The following DMRTC2 variants were observed in gnomAD, a reference collection of about 807,000 sequenced individuals.
DMRTC2 encodes the protein doublesex- and mab-3-related transcription factor C2.
A neutral mutation model predicts 39.9 loss-of-function variants in DMRTC2; 13 were observed. The observed-to-expected ratio is 0.33, with a 90% confidence interval of 0.21 to 0.52. The LOEUF (loss-of-function observed/expected upper bound fraction) is 0.52. Among genes scored for constraint, DMRTC2 ranks in the 20% least tolerant of loss-of-function variants. The pLI is 0.96. For synonymous variants in DMRTC2, 189 were observed against 185.2 expected, an observed-to-expected ratio of 1.02 and a Z score of -0.17; for missense variants, 431 against 472.8, an observed-to-expected ratio of 0.91 and a Z score of 0.82.
intron 3 of DMRTC2, 99 bp from the exon 4 acceptor site, chr19:41,848,353 A>T: frequency 1.8e-6 from 2 of 1,095,298 alleles, no homozygotes; most frequent in South Asian, 1.6e-5. Flanking sequence ...CTCAAAAAAA[A>T]AAAATGAGCT....
At chr19:41,847,961 C>T in intron 3 of DMRTC2, 80 bp downstream of exon 3, 1 of 1,494,664 alleles carries the variant, frequency 6.7e-7, no homozygotes, top group Admixed American at 2.2e-5. Flanking sequence ...AGTCCTGCTG[C>T]TGAATTGGTG....
chr19:41,850,293 C>A lies in DMRTC2; in HGVS notation c.756-19C>A. On this transcript the variant is annotated intron_variant, in intron 6 of 8. Transcript: ENST00000269945. ...TTCATCTGTTTAACCACCCTGGCATCTTCTCTCCTTGTTTCTAGACACTCA... is the reference window on the plus strand; with the variant it reads ...TTCATCTGTTTAACCACCCTGGCATATTCTCTCCTTGTTTCTAGACACTCA... The A allele has an allele frequency of 6.7e-7, 1 of 1,484,082 alleles. No homozygotes were observed. The allele number at this position is 1,484,082 out of a possible 1,614,324, so 91.9% of individuals were successfully genotyped here. A position where few individuals can be genotyped will look rare whatever the true frequency, so the allele number is the denominator to read the frequency against.
Position 41,848,444 on chromosome 19 carries a change from C to T in DMRTC2, c.371-8C>T. The T allele has an allele frequency of 6.3e-7, 1 of 1,597,058 alleles. No homozygotes were observed. The highest frequency in any genetic ancestry group is 1.1e-5 in the South Asian group (1 of 87,722). On this transcript the variant is annotated splice_region_variant and splice_polypyrimidine_tract_variant and intron_variant, in intron 3 of 8. Transcript: ENST00000269945. ...GGGCTCATTAGAGCTCTCCCTGGTCCTTCACAGCTGGAAAGGAGAACATAG... is the reference window on the plus strand; with the variant it reads ...GGGCTCATTAGAGCTCTCCCTGGTCTTTCACAGCTGGAAAGGAGAACATAG...
Position 41,851,668 on chromosome 19 carries a change from G to T in DMRTC2, c.1076G>T (p.Arg359Leu), listed in dbSNP as rs550455251. 6.2e-7 allele frequency: 1 copy of T among 1,614,136 alleles called. No individual in the cohort carries two copies. The highest frequency in any genetic ancestry group is 8.5e-7 in the Non-Finnish European group (1 of 1,180,016). The part of the protein sequence containing the change: ...PAPSVALHIG[R>L]LGSISLLS ...CCCTCTGTTGCTCTGCATATTGGCC[G>T]TCTGGGGTCCATCTCCCTCCTGAGC... Residue 359 changes from arginine to leucine, a missense_variant, in exon 9 of 9, where the codon CGT becomes CTT. Coordinates refer to ENST00000269945, the MANE Select transcript of DMRTC2 (RefSeq NM_001040283.3).
intron 3 of DMRTC2, 51 bp from the exon 4 acceptor site, chr19:41,848,401 G>A (rs1395905556): frequency 6.7e-7 from 1 of 1,501,506 alleles, no homozygotes; most frequent in African/African-American, 1.4e-5. Context: ...GTTGGGGTAG[G>A]ATAGGGGTCA....
intron 6 of DMRTC2, 98 bp downstream of exon 6, chr19:41,849,354 A>G: frequency 6.6e-7 from 1 of 1,520,042 alleles, no homozygotes; most frequent in Non-Finnish European, 8.8e-7. Flanking sequence ...GAAGATGAAA[A>G]GGTCTCTGAC....
Position 41,849,021 on chromosome 19 carries a change from A to G in DMRTC2, c.628+46A>G, listed in dbSNP as rs782282221. ...TCATTCAACATATATTTGAGTGCCA[A>G]TCTGCCACATATTGGAGAGGGAAGA... On this transcript the variant is annotated intron_variant, in intron 5 of 8. Transcript: ENST00000269945. 9 of 1,612,334 alleles carry G rather than the reference A, an allele frequency of 5.6e-6. No individual in the cohort carries two copies. In the South Asian group the frequency reaches 8.8e-5, roughly 16 times the overall value.
rs141192634 is a variant in DMRTC2, at chr19:41,847,555, G to T, written c.127G>T (p.Ala43Ser). ...AGCCATCAGCCGCTCTCCAACCTGC[G>T]CCCGCTGCCGCAACCATGGTGTCAC... ...RRAISRSPTC[A>S]RCRNHGVTAH... The change falls in exon 2 of 9, where the codon GCC (alanine) becomes TCC (serine). Residue 43 changes from alanine to serine, a missense_variant. Physicochemically the swap from Ala to Ser is moderately conservative, Grantham distance 99. Coordinates refer to ENST00000269945, the MANE Select transcript of DMRTC2 (RefSeq NM_001040283.3). 2 of 1,614,036 alleles carry T rather than the reference G, an allele frequency of 1.2e-6. No homozygotes were observed. Among genetic ancestry groups the T allele is most frequent in the Admixed American group, 1.7e-5 (1 of 60,008 alleles).
Position 41,851,846 on chromosome 19 carries a change from A to C in DMRTC2, c.*150A>C. The stretch of plus-strand genomic sequence containing the variant: ...TGTTTGTTTGTTTGTTTGTTTGTTT[A>C]AGCTTTCAGGTGCTTCATTAGCTTT... On this transcript the variant is annotated 3_prime_UTR_variant, in exon 9 of 9. Transcript: ENST00000269945. 1 of 683,166 alleles carries C rather than the reference A, an allele frequency of 1.5e-6. No homozygotes were observed. Among genetic ancestry groups the C allele is most frequent in the Non-Finnish European group, 2.4e-6 (1 of 417,474 alleles). The allele number at this position is 683,166 out of a possible 1,614,324, so 42.3% of individuals were successfully genotyped here.
Position 41,851,783 on chromosome 19 carries a change from T to C in DMRTC2, c.*87T>C. The stretch of plus-strand genomic sequence containing the variant: ...ATTTAGTGTCTTACTTAAGGATTTA[T>C]GCATGGAATTTAATGTAGTACAAGC... On this transcript the variant is annotated 3_prime_UTR_variant, in exon 9 of 9. Coordinates refer to ENST00000269945, the MANE Select transcript of DMRTC2 (RefSeq NM_001040283.3). 8.4e-7 allele frequency: 1 copy of C among 1,196,208 alleles called. No homozygotes were observed. Among genetic ancestry groups the C allele is most frequent in the Non-Finnish European group, 1.2e-6 (1 of 823,254 alleles). 74.1% of individuals were successfully genotyped at this position (1,196,208 alleles called of 1,614,324 possible).
chr19:41,847,365 C>T (rs2073879773), intron 1 of DMRTC2, 60 bp from the exon 2 acceptor site: 4 of 1,500,514 alleles, frequency 2.7e-6, no homozygotes, highest in Non-Finnish European at 3.5e-6. Flanking sequence ...GTCTCCAGGG[C>T]AGGAGGGTTG....
At chr19:41,848,411 A>G (rs782650552) in intron 3 of DMRTC2, 41 bp from the exon 4 acceptor site, 11 of 1,543,498 alleles carry the variant, frequency 7.1e-6, no homozygotes, top group Non-Finnish European at 7.9e-6. Flanking sequence ...GATAGGGGTC[A>G]GGAGAAAGGG....
chr19:41,849,666 C>G (rs1312649783), intron 6 of DMRTC2, among the ~76,000 whole-genome samples: 1 of 152,196 alleles, frequency 6.6e-6, no homozygotes, highest in Non-Finnish European at 1.5e-5. Context: ...TTAGGAAAAG[C>G]TTCCCAAAGG....
intron 6 of DMRTC2, among the ~76,000 whole-genome samples, chr19:41,849,551 G>C (rs1309216455): frequency 6.6e-6 from 1 of 152,206 alleles, no homozygotes; most frequent in Non-Finnish European, 1.5e-5. Flanking sequence ...TTTAATGGTA[G>C]CTGTTATATC....
At chr19:41,850,951 G>A in intron 8 of DMRTC2, 1 of 455,310 alleles carries the variant, frequency 2.2e-6, no homozygotes, top group South Asian at 4.3e-5. Flanking sequence ...GCAGGGACTT[G>A]CCCAAGGGCA....
intron 8 of DMRTC2, 175 bp downstream of exon 8, chr19:41,850,875 CT>C: frequency 1.6e-6 from 1 of 627,644 alleles, no homozygotes; most frequent in Non-Finnish European, 2.5e-6. Flanking sequence ...TCAGTGAATC[CT>C]TTTTATCAGT....
chr19:41,848,851 G>T lies in DMRTC2; in HGVS notation c.504G>T (p.Trp168Cys), dbSNP rs200511054. The change falls in exon 5 of 9, where the codon TGG (tryptophan) becomes TGT (cysteine). Residue 168 changes from tryptophan to cysteine, a missense_variant. Physicochemically the swap from Trp to Cys is radical, Grantham distance 215. Transcript: ENST00000269945. ...CCCCGGAAGCCTCGCCCTTGTCCTG[G>T]ACTCCGGTGCCTCCTGGCCCTTGGG... ...SHPPEASPLS[W>C]TPVPPGPWVP... 1 of 1,611,898 alleles carries T rather than the reference G, an allele frequency of 6.2e-7. No homozygotes were observed. The highest frequency in any genetic ancestry group is 8.5e-7 in the Non-Finnish European group (1 of 1,180,006).
chr19:41,847,668 G>C lies in DMRTC2; in HGVS notation c.224+16G>C. On this transcript the variant is annotated intron_variant, in intron 2 of 8. Coordinates refer to ENST00000269945, the MANE Select transcript of DMRTC2 (RefSeq NM_001040283.3). ...TCCTCATCCTGTGAGTATGAGGTCT[G>C]GGAGGGGAGGAGGATGAGCCTCCTC... The C allele has an allele frequency of 6.2e-7, 1 of 1,613,932 alleles. No individual in the cohort carries two copies. Among genetic ancestry groups the C allele is most frequent in the Non-Finnish European group, 8.5e-7 (1 of 1,179,828 alleles).
In DMRTC2 at chr19:41,849,122, CTTA is replaced by C. The variant is rs782562509; in HGVS notation, c.629-4_629-2del. ...CCTATACACTCTGCATTCTTTTATT[CTTA>C]TTAGGCTTTGACCCTGGCACCTCCC... is the stretch of plus-strand genomic sequence containing the variant. On this transcript the variant is annotated splice_polypyrimidine_tract_variant and splice_region_variant and intron_variant, in intron 5 of 8. Transcript: ENST00000269945. 1.2e-6 allele frequency: 2 copies of C among 1,614,068 alleles called. No individual in the cohort carries two copies. The highest frequency in any genetic ancestry group is 2.2e-5 in the South Asian group (2 of 91,066).
Sources: allele counts gnomAD v4.1 joint callset (sites outside exome capture counted in the v4.1 genomes callset), GRCh38; gene constraint gnomAD v4.1.1; transcripts MANE v1.5; gene names NCBI Gene and HGNC (gene_info 2026-07-23, HGNC 2026-07-21).